The following ZC3H3 variants were observed in gnomAD, a reference collection of about 807,000 sequenced individuals.
The protein encoded by ZC3H3 is zinc finger CCCH domain-containing protein 3.
In ZC3H3, 36 loss-of-function variants were observed where a neutral mutation model predicts 77.3. The ratio of observed to expected loss-of-function variants is 0.47; its 90% confidence interval spans 0.36 to 0.61. The LOEUF is 0.61. Among genes scored for constraint, ZC3H3 ranks in the 20% least tolerant of loss-of-function variants. ZC3H3 has a pLI of 0.00. For synonymous variants in ZC3H3, 626 were observed against 555.2 expected (o/e 1.13, Z -1.79); for missense variants, 1,331 against 1,312.2 (o/e 1.01, Z -0.22).
rs1329129265 is a variant in ZC3H3 at position 143,468,559 on chromosome 8, G to T, written c.1947-19C>A. 1 of 1,604,050 alleles carries T rather than the reference G, an allele frequency of 6.2e-7. No homozygotes were observed. Among genetic ancestry groups the T allele is most frequent in the Non-Finnish European group, 8.5e-7 (1 of 1,176,068 alleles). The stretch of plus-strand genomic sequence containing the variant: ...TGCCCGGCTGCAGACGGGGAGAGAG[G>T]TGCGTGAGCCTGAGGGCGAGCAGGG... On this transcript the variant is annotated intron_variant, in intron 6 of 11. Transcript: ENST00000262577.
At chr8:143,509,532 A>T (rs1307205520) in intron 3 of ZC3H3, among the ~76,000 whole-genome samples, 1 of 152,162 alleles carries the variant, frequency 6.6e-6, no homozygotes, top group East Asian at 1.9e-4. Context: ...CCCCAACCCC[A>T]GAGTGCCCAA....
intron 3 of ZC3H3, among the ~76,000 whole-genome samples, chr8:143,527,048 ATCGGGACGGCCCTGTGCCGTGCCCAC>A (rs1822434914): frequency 6.6e-6 from 1 of 152,112 alleles, no homozygotes; most frequent in Non-Finnish European, 1.5e-5. Context: ...AGGGGTGGCC[ATCGGGACGGCCCTGTGCCGTGCCCAC>A]CCGCCACCCG....
At chr8:143,506,299 G>A (rs534944416) in intron 4 of ZC3H3, among the ~76,000 whole-genome samples, 11 of 152,212 alleles carry the variant, frequency 7.2e-5, no homozygotes, top group Non-Finnish European at 1.6e-4. Flanking sequence ...GGCTGACGAC[G>A]ACCACAGGAC....
intron 3 of ZC3H3, among the ~76,000 whole-genome samples, chr8:143,525,337 T>C (rs1822378329): frequency 1.3e-5 from 2 of 152,156 alleles, no homozygotes; most frequent in Admixed American, 6.5e-5. Context: ...CCCTGAGGGG[T>C]GGCAGGTGGT....
At position 143,538,542 on chromosome 8, in the gene ZC3H3, C is replaced by A. The variant is rs778794510; in HGVS notation, c.825G>T (p.Pro275=). The stretch of plus-strand genomic sequence containing the variant: ...TGGCGGGGCCCCCCACTGAGCCAGA[C>A]GGAACTGGCTGATCTGTGTGGCCAG... ...VDAGHTDQPV[P]SGSVGGPARP... The change falls in exon 2 of 12, where the codon CCG becomes CCT. Residue 275 remains proline (P), a synonymous_variant. Transcript: ENST00000262577. 6 of 1,611,792 alleles carry A rather than the reference C, an allele frequency of 3.7e-6. No homozygotes were observed. The African/African-American group carries it at 5.3e-5, about 14-fold the overall frequency.
intron 4 of ZC3H3, among the ~76,000 whole-genome samples, chr8:143,507,211 C>A (rs896682397): frequency 1.3e-5 from 2 of 152,194 alleles, no homozygotes; most frequent in South Asian, 2.1e-4. Flanking sequence ...CTGTTCCCTG[C>A]CGACAGAGCC....
At chr8:143,525,830 T>A (rs1822393947) in intron 3 of ZC3H3, among the ~76,000 whole-genome samples, 1 of 152,228 alleles carries the variant, frequency 6.6e-6, no homozygotes, top group South Asian at 2.1e-4. Context: ...GGACAGGGAA[T>A]GGGCCAGGCC....
Position 143,532,665 on chromosome 8 carries a change from C to T in ZC3H3, c.1561+3592G>A, listed in dbSNP as rs76493332. Among the ~76,000 whole-genome samples the T allele has an allele frequency of 4.9e-3, 745 of 152,354 alleles. 14 individuals are homozygous for T. Among genetic ancestry groups the T allele is most frequent in the African/African-American group, 0.017 (712 of 41,574 alleles). ...CTCACCAGAGCACTGCAGCGTTCAA[C>T]GAAACAAAGCTGGGCCCTGCCCAGA... On this transcript the variant is annotated intron_variant, in intron 3 of 11. Coordinates refer to ENST00000262577, the MANE Select transcript of ZC3H3 (RefSeq NM_015117.3).
intron 5 of ZC3H3, among the ~76,000 whole-genome samples, chr8:143,469,045 C>A (rs1332693577): frequency 6.6e-6 from 1 of 152,234 alleles, no homozygotes; most frequent in Non-Finnish European, 1.5e-5. Context: ...CCCAGGGCCA[C>A]GCTTTGCTGG....
At chr8:143,491,515 A>G (rs1240116713) in intron 4 of ZC3H3, among the ~76,000 whole-genome samples, 1 of 152,246 alleles carries the variant, frequency 6.6e-6, no homozygotes, top group Non-Finnish European at 1.5e-5. Context: ...AAAAGGGCAA[A>G]GCAGCATCTT....
chr8:143,507,839 C>A lies in ZC3H3; in HGVS notation c.1622G>T (p.Arg541Leu). Reference sequence around the variant, plus strand: ...CGAGGCCGGCGTCTTCTTGACAATGCGGTAGCGGGTCTTGATCACCTTGCT... The same window carrying A: ...CGAGGCCGGCGTCTTCTTGACAATGAGGTAGCGGGTCTTGATCACCTTGCT... ...PTSKVIKTRY[R>L]IVKKTPASPL... Residue 541 changes from arginine to leucine, a missense_variant, in exon 4 of 12, where the codon CGC (arginine) becomes CTC (leucine). By Grantham distance (102) the Arg-to-Leu change is moderately radical (BLOSUM62 -2). Around this residue, in one of 3 missense-constraint regions of ZC3H3, gnomAD observed 978 missense variants for 915.5 expected, o/e 1.07. Transcript: ENST00000262577. The A allele has an allele frequency of 6.2e-7, 1 of 1,609,998 alleles. No individual in the cohort carries two copies. The highest frequency in any genetic ancestry group is 8.5e-7 in the Non-Finnish European group (1 of 1,178,494).
intron 4 of ZC3H3, among the ~76,000 whole-genome samples, chr8:143,495,762 C>T (rs1039838996): frequency 7.2e-6 from 1 of 139,480 alleles, no homozygotes; most frequent in Non-Finnish European, 1.5e-5. Context: ...TCTTTTCTTT[C>T]TTTTTTTTTT....
Position 143,468,494 on chromosome 8 carries a change from G to A in ZC3H3, c.1993C>T (p.Arg665Cys), listed in dbSNP as rs765873445. ...CAGTACTCCTTCCTCTTCTCCCTGC[G>A]CTGCCGCGCCTGCCGGATGATGGCC... ...SLAIIRQARQ[R>C]REKRKEYCMY... is the part of the protein sequence containing the mutation. The change falls in exon 7 of 12, where the codon CGC (arginine) becomes TGC (cysteine). Residue 665 changes from arginine (R) to cysteine (C), a missense_variant. Arg to Cys is a radical substitution (Grantham distance 180, BLOSUM62 -3). Transcript: ENST00000262577. 1.4e-5 allele frequency: 22 copies of A among 1,608,250 alleles called. No individual in the cohort carries two copies. The highest frequency in any genetic ancestry group is 1.1e-4 in the East Asian group (5 of 44,564).
intron 3 of ZC3H3, among the ~76,000 whole-genome samples, chr8:143,508,284 G>C (rs1318378265): frequency 6.6e-6 from 1 of 152,184 alleles, no homozygotes; most frequent in African/African-American, 2.4e-5. Flanking sequence ...ACTTCCAGCA[G>C]AGCAGTGAGG....
chr8:143,483,237 G>C (rs1820955752), intron 4 of ZC3H3, among the ~76,000 whole-genome samples: 2 of 152,244 alleles, frequency 1.3e-5, no homozygotes, highest in Admixed American at 6.5e-5. Flanking sequence ...CTTTCCACTG[G>C]AAACGCTGAC....
At chr8:143,540,920 C>T (rs1822990238) in intron 1 of ZC3H3, among the ~76,000 whole-genome samples, 1 of 151,662 alleles carries the variant, frequency 6.6e-6, no homozygotes, top group South Asian at 2.1e-4. Flanking sequence ...CGCGTCACCG[C>T]ACCCCAGCCT....
At chr8:143,449,639 GAGGC>G (rs879383490) in intron 9 of ZC3H3, among the ~76,000 whole-genome samples, 1 of 152,198 alleles carries the variant, frequency 6.6e-6, no homozygotes, top group Non-Finnish European at 1.5e-5. Flanking sequence ...TTGGGAGGCT[GAGGC>G]AGGAGAATTG....
rs766662298 is a variant in ZC3H3, at chr8:143,519,749, C to A, written c.1562-11850G>T. Among the ~76,000 whole-genome samples the A allele has an allele frequency of 7.6e-4, 116 of 152,196 alleles. 1 individual carries two copies. Among genetic ancestry groups the A allele is most frequent in the Non-Finnish European group, 2.8e-4 (19 of 68,024 alleles). On this transcript the variant is annotated intron_variant, in intron 3 of 11. Coordinates refer to ENST00000262577, the MANE Select transcript of ZC3H3 (RefSeq NM_015117.3). ...CGTTCAGGCCACCTGGGGACAACAGCCTGACCAGACCCCAGGGCAGCCAAG... is the reference window on the plus strand; with the variant it reads ...CGTTCAGGCCACCTGGGGACAACAGACTGACCAGACCCCAGGGCAGCCAAG...
intron 4 of ZC3H3, among the ~76,000 whole-genome samples, chr8:143,481,509 G>A (rs1328220072): frequency 6.6e-6 from 1 of 152,182 alleles, no homozygotes; most frequent in African/African-American, 2.4e-5. Flanking sequence ...AGAGGGGAGA[G>A]CTGCTCCCAG....
Sources: gnomAD v4.1 joint callset for allele counts (sites outside exome capture counted in the v4.1 genomes callset) on GRCh38, gnomAD v4.1.1 for gene constraint, gnomAD v4.1.1 regional missense constraint, MANE v1.5 for transcripts, NCBI Gene and HGNC (gene_info 2026-07-23, HGNC 2026-07-21) for gene names.